PLCB1: variants seen among roughly 807,000 people sequenced by gnomAD.
PLCB1 encodes phospholipase C beta 1, also known as 1-phosphatidylinositol 4,5-bisphosphate phosphodiesterase beta-1.
A neutral mutation model predicts 161.8 loss-of-function variants in PLCB1; 46 were observed. That is an observed-to-expected ratio of 0.28 (90% CI 0.22 to 0.36). PLCB1 has a LOEUF of 0.36. PLCB1 is among the 10% of genes least tolerant of loss of function. The probability of loss-of-function intolerance (pLI) is 1.00; values close to 1 mark genes in which losing one functional copy is unlikely to be tolerated. For synonymous variants in PLCB1, 517 were observed against 503.7 expected (o/e 1.03, Z -0.35); for missense variants, 1,016 against 1,472.5 (o/e 0.69, Z 5.07).
In PLCB1 at chr20:8,884,323, G is replaced by A. The variant is rs1467090742; in HGVS notation, c.*2474G>A. On this transcript the variant is annotated 3_prime_UTR_variant, in exon 32 of 32. Coordinates refer to ENST00000338037, the MANE Select transcript of PLCB1 (RefSeq NM_015192.4). ...ATGATGTGCAGTTTTGTGCCTTTAT[G>A]TATTTGCCTTGTTCTTTGTCGAATG... The A allele has an allele frequency of 2.0e-5, 3 of 152,486 alleles. No homozygotes were observed. The highest frequency in any genetic ancestry group is 4.4e-5 in the Non-Finnish European group (3 of 68,008). The allele number at this position is 152,486 out of a possible 1,614,324, so 9.4% of individuals were successfully genotyped here. A position where few individuals can be genotyped will look rare whatever the true frequency, so the allele number is the denominator to read the frequency against.
rs1338478101 is a variant in PLCB1 at position 8,717,803 on chromosome 20, T to A, written c.1468T>A (p.Tyr490Asn). ...GCTCTCAGAACAAGCCTCCAACACC[T>A]ACAGTGACTCCTCCAGCATGTTCGA... ...KKLSEQASNT[Y>N]SDSSSMFEPS... is the part of the protein sequence containing the mutation. Residue 490 changes from tyrosine to asparagine, a missense_variant, in exon 14 of 32, where the codon TAC (tyrosine) becomes AAC (asparagine). By Grantham distance (143) the Tyr-to-Asn change is moderately radical. Transcript: ENST00000338037. The A allele has an allele frequency of 6.2e-7, 1 of 1,613,864 alleles. No individual in the cohort carries two copies. Among genetic ancestry groups the A allele is most frequent in the Non-Finnish European group, 8.5e-7 (1 of 1,179,902 alleles).
chr20:8,668,017 G>A (rs1989855763), intron 9 of PLCB1, among the ~76,000 whole-genome samples: 1 of 152,156 alleles, frequency 6.6e-6, no homozygotes, highest in African/African-American at 2.4e-5. Context: ...CTGCCTGGCA[G>A]GTTGTACTGT....
chr20:8,380,491 A>G (rs962556510), intron 3 of PLCB1, among the ~76,000 whole-genome samples: 1 of 152,100 alleles, frequency 6.6e-6, no homozygotes, highest in Non-Finnish European at 1.5e-5. Flanking sequence ...AAGAATGTCA[A>G]TGGTAGTTTC....
rs1305303818 is a variant in PLCB1, at chr20:8,873,156, C to T, written c.3424-8466C>T. On this transcript the variant is annotated intron_variant, in intron 31 of 31. Coordinates refer to ENST00000338037, the MANE Select transcript of PLCB1 (RefSeq NM_015192.4). Reference sequence around the variant, plus strand: ...AAAAACTGAAATGGTTAGGATATAGCATGTGGTCACTTTCCAACAATCCTT... The same window carrying T: ...AAAAACTGAAATGGTTAGGATATAGTATGTGGTCACTTTCCAACAATCCTT... Among the ~76,000 whole-genome samples the T allele has an allele frequency of 8.1e-5, 12 of 147,982 alleles. No individual in the cohort carries two copies. In the East Asian group the frequency reaches 2.4e-3, roughly 30 times the overall value.
chr20:8,500,847 TA>T (rs1227625521), intron 3 of PLCB1, among the ~76,000 whole-genome samples: 4 of 152,190 alleles, frequency 2.6e-5, no homozygotes, highest in Non-Finnish European at 5.9e-5. Context: ...TCTTCTTCCA[TA>T]ATATGAGATT....
intron 27 of PLCB1, among the ~76,000 whole-genome samples, chr20:8,779,561 T>C (rs1329558988): frequency 7.5e-6 from 1 of 133,728 alleles, no homozygotes; most frequent in Admixed American, 7.9e-5. Context: ...GAGCTCTACA[T>C]CTAAATAACT....
At chr20:8,642,803 G>A (rs543651090) in intron 4 of PLCB1, among the ~76,000 whole-genome samples, 46 of 152,186 alleles carry the variant, frequency 3.0e-4, no homozygotes, top group African/African-American at 9.6e-4. Context: ...TTTTTCTGGC[G>A]TGAAACTAGC....
chr20:8,141,508 G>T (rs891718863), intron 1 of PLCB1, among the ~76,000 whole-genome samples: 1 of 151,094 alleles, frequency 6.6e-6, no homozygotes, highest in Non-Finnish European at 1.5e-5. Context: ...CTGTAATCCC[G>T]ACCACTCGAG....
chr20:8,688,912 T>C lies in PLCB1; in HGVS notation c.1009+3834T>C, dbSNP rs549743271. ...TGGTGGTATTTTGATGGAGATTGCA[T>C]TGAATTTGTAGATTGCTTTTGGCAG... On this transcript the variant is annotated intron_variant, in intron 10 of 31. Transcript: ENST00000338037. Among the ~76,000 whole-genome samples the C allele has an allele frequency of 2.6e-5, 4 of 152,348 alleles. No homozygotes were observed. In the South Asian group the frequency reaches 8.3e-4, roughly 32 times the overall value.
chr20:8,801,320 C>A (rs1387417307), intron 31 of PLCB1, among the ~76,000 whole-genome samples: 5 of 152,110 alleles, frequency 3.3e-5, no homozygotes, highest in African/African-American at 9.7e-5. Context: ...AATTTACAAC[C>A]CCCCTCCACC....
intron 2 of PLCB1, among the ~76,000 whole-genome samples, chr20:8,303,097 AATTG>A (rs1983981199): frequency 1.3e-5 from 2 of 152,202 alleles, no homozygotes; most frequent in Admixed American, 1.3e-4. Flanking sequence ...GTAAAAGTAG[AATTG>A]ATTCCATATT....
At chr20:8,839,858 C>T (rs6056199) in intron 31 of PLCB1, among the ~76,000 whole-genome samples, 7,966 of 151,950 alleles carry the variant, frequency 0.052, 292 homozygotes, top group African/African-American at 0.096. Flanking sequence ...TGGCAAAGCC[C>T]GGTCTCTACT....
At chr20:8,215,241 G>T (rs1380842138) in intron 2 of PLCB1, among the ~76,000 whole-genome samples, 1 of 151,914 alleles carries the variant, frequency 6.6e-6, no homozygotes, top group Non-Finnish European at 1.5e-5. Context: ...CACCCACTCA[G>T]ATGTATCTGC....
Position 8,846,289 on chromosome 20 carries a change from G to A in PLCB1, c.3424-35333G>A, listed in dbSNP as rs1234343748. Among the ~76,000 whole-genome samples the A allele has an allele frequency of 3.9e-5, 6 of 152,000 alleles. No individual in the cohort carries two copies. In the South Asian group the frequency reaches 6.2e-4, roughly 16 times the overall value. ...AGAACAGCAAGGGAGAAATCTGCCC[G>A]CATGATAAAATCACCTCCCAGCAGG... On this transcript the variant is annotated intron_variant, in intron 31 of 31. Coordinates refer to ENST00000338037, the MANE Select transcript of PLCB1 (RefSeq NM_015192.4).
intron 27 of PLCB1, among the ~76,000 whole-genome samples, chr20:8,780,191 G>A (rs142558900): frequency 2.6e-5 from 4 of 152,260 alleles, no homozygotes; most frequent in African/African-American, 7.2e-5. Context: ...TTGGTGAGGC[G>A]TGGAAATTCT....
At chr20:8,532,561 C>T (rs1474705950) in intron 3 of PLCB1, among the ~76,000 whole-genome samples, 1 of 152,286 alleles carries the variant, frequency 6.6e-6, no homozygotes, top group East Asian at 1.9e-4. Context: ...TGGTAGATTT[C>T]TATTAACTGA....
At chr20:8,320,774 T>G (rs887886985) in intron 2 of PLCB1, among the ~76,000 whole-genome samples, 11 of 139,766 alleles carry the variant, frequency 7.9e-5, no homozygotes, top group African/African-American at 3.0e-4. Flanking sequence ...TGCAAAATAC[T>G]TGTAATATTA....
At chr20:8,732,524 T>A (rs1307923762) in intron 18 of PLCB1, among the ~76,000 whole-genome samples, 1 of 147,174 alleles carries the variant, frequency 6.8e-6, no homozygotes, top group East Asian at 1.9e-4. Flanking sequence ...CATTATATTC[T>A]AATATATTGT....
At chr20:8,360,889 T>A (rs1051304462) in intron 2 of PLCB1, among the ~76,000 whole-genome samples, 2 of 152,104 alleles carry the variant, frequency 1.3e-5, no homozygotes, top group Non-Finnish European at 2.9e-5. Flanking sequence ...AGAAAAAAAA[T>A]TGTGATACAT....
Sources: gnomAD v4.1 joint callset for allele counts (sites outside exome capture counted in the v4.1 genomes callset) on GRCh38, gnomAD v4.1.1 for gene constraint, MANE v1.5 for transcripts, NCBI Gene and HGNC (gene_info 2026-07-23, HGNC 2026-07-21) for gene names.